MKLN1: variants seen among roughly 807,000 people sequenced by gnomAD.
MKLN1 encodes muskelin 1.
In MKLN1, 18 loss-of-function variants were observed where a neutral mutation model predicts 99.0. That is an observed-to-expected ratio of 0.18 (90% CI 0.13 to 0.27). The LOEUF is 0.27. Ranked by LOEUF, MKLN1 falls within the 10% of genes least tolerant of loss-of-function variation. MKLN1 has a pLI of 1.00. For synonymous variants in MKLN1, 288 were observed against 293.2 expected (o/e 0.98, Z 0.18); for missense variants, 621 against 875.9 (o/e 0.71, Z 3.67).
chr7:131,347,257 C>T (rs1056195043), intron 1 of MKLN1, among the ~76,000 whole-genome samples: 28 of 152,204 alleles, frequency 1.8e-4, no homozygotes, highest in African/African-American at 6.8e-4. Flanking sequence ...GTTTGAACAG[C>T]CTTGCTGATT....
At chr7:131,117,887 C>T (rs1795303099) in intron 1 of MKLN1, among the ~76,000 whole-genome samples, 1 of 152,084 alleles carries the variant, frequency 6.6e-6, no homozygotes, top group Non-Finnish European at 1.5e-5. Flanking sequence ...GACTTCTCTC[C>T]CAAGATCAGG....
intron 3 of MKLN1, among the ~76,000 whole-genome samples, chr7:131,239,677 C>T (rs529542916): frequency 2.0e-5 from 3 of 152,200 alleles, no homozygotes; most frequent in Non-Finnish European, 4.4e-5. Context: ...CAGAGTCATC[C>T]CATCCCATGT....
At chr7:131,186,763 C>T (rs552000078) in intron 2 of MKLN1, among the ~76,000 whole-genome samples, 1 of 152,266 alleles carries the variant, frequency 6.6e-6, no homozygotes, top group African/African-American at 2.4e-5. Flanking sequence ...GTGCCTGGCC[C>T]ATAGTAAGTG....
chr7:131,375,489 C>G lies in MKLN1; in HGVS notation c.164C>G (p.Pro55Arg). The change falls in exon 2 of 18, where the codon CCC becomes CGC. Residue 55 changes from proline to arginine, a missense_variant. Coordinates refer to ENST00000352689, the MANE Select transcript of MKLN1 (RefSeq NM_013255.5). ...TGGTCTTCAGAGAGCAACTATCCTC[C>G]CCAGGTAAGATTACATGTATCCCTT... ...SRWSSESNYP[P>R]QYLILKLERP... 1 of 1,600,886 alleles carries G rather than the reference C, an allele frequency of 6.2e-7. No individual in the cohort carries two copies. Among genetic ancestry groups the G allele is most frequent in the Non-Finnish European group, 8.6e-7 (1 of 1,168,260 alleles).
At chr7:131,290,048 G>A (rs2116597090) in intron 3 of MKLN1, among the ~76,000 whole-genome samples, 1 of 152,348 alleles carries the variant, frequency 6.6e-6, no homozygotes, top group South Asian at 2.1e-4. Context: ...GGTTGCACCT[G>A]TAATTCCAGC....
intron 3 of MKLN1, among the ~76,000 whole-genome samples, chr7:131,275,740 G>C (rs933708315): frequency 6.6e-6 from 1 of 151,034 alleles, no homozygotes; most frequent in Non-Finnish European, 1.5e-5. Context: ...CCATCACCTT[G>C]TATTGGTTAG....
At chr7:131,289,037 C>A (rs1207820514) in intron 3 of MKLN1, among the ~76,000 whole-genome samples, 3 of 152,118 alleles carry the variant, frequency 2.0e-5, no homozygotes, top group African/African-American at 7.2e-5. Context: ...GTTGCCCAGG[C>A]TAGTCTTGAA....
At chr7:131,361,059 C>T (rs1800014774) in intron 1 of MKLN1, among the ~76,000 whole-genome samples, 1 of 151,336 alleles carries the variant, frequency 6.6e-6, no homozygotes, top group Admixed American at 6.6e-5. Context: ...AGTTTTTTTT[C>T]CCTTGTCTTT....
chr7:131,262,542 T>C (rs772242746), intron 3 of MKLN1, among the ~76,000 whole-genome samples: 15 of 152,182 alleles, frequency 9.9e-5, no homozygotes, highest in South Asian at 2.1e-4. Context: ...ATTATGTTTT[T>C]TTTTCTTTTC....
chr7:131,141,346 A>T (rs555599787), intron 1 of MKLN1, among the ~76,000 whole-genome samples: 1 of 152,148 alleles, frequency 6.6e-6, no homozygotes, highest in Non-Finnish European at 1.5e-5. Flanking sequence ...TTTCCTCTTC[A>T]TATTTTTGCT....
At chr7:131,431,940 AC>A (rs1795534641) in intron 9 of MKLN1, among the ~76,000 whole-genome samples, 1 of 152,118 alleles carries the variant, frequency 6.6e-6, no homozygotes, top group South Asian at 2.1e-4. Context: ...CCTAATAAAT[AC>A]CCACTTATTC....
chr7:131,371,993 TTCTA>T (rs571646277), intron 1 of MKLN1, among the ~76,000 whole-genome samples: 2 of 152,034 alleles, frequency 1.3e-5, no homozygotes, highest in Non-Finnish European at 2.9e-5. Flanking sequence ...ACGTTTTTAT[TTCTA>T]TCTTTGTTTA....
chr7:131,450,891 CT>C (rs1796158529), intron 12 of MKLN1, among the ~76,000 whole-genome samples: 1 of 152,150 alleles, frequency 6.6e-6, no homozygotes, highest in Non-Finnish European at 1.5e-5. Flanking sequence ...TTTTCAAAAC[CT>C]ATACAAAGAT....
intron 3 of MKLN1, among the ~76,000 whole-genome samples, chr7:131,294,082 G>C (rs1321630577): frequency 6.6e-6 from 1 of 152,020 alleles, no homozygotes; most frequent in African/African-American, 2.4e-5. Context: ...CACTGGACTA[G>C]AGAAACGGAA....
chr7:131,402,656 A>G (rs528966610), intron 6 of MKLN1, among the ~76,000 whole-genome samples: 17 of 152,336 alleles, frequency 1.1e-4, no homozygotes, highest in African/African-American at 4.1e-4. Context: ...TCCTTGATTC[A>G]TAGGCTACAA....
intron 17 of MKLN1, among the ~76,000 whole-genome samples, chr7:131,482,210 A>G (rs1306677409): frequency 1.3e-5 from 2 of 152,184 alleles, no homozygotes; most frequent in African/African-American, 4.8e-5. Context: ...TCATTCATTC[A>G]TTCAGACAGG....
chr7:131,271,935 G>A (rs1252245754), intron 3 of MKLN1, among the ~76,000 whole-genome samples: 28 of 151,722 alleles, frequency 1.8e-4, no homozygotes, highest in Admixed American at 1.8e-3. Context: ...TCAAAGATTT[G>A]TGCTGTCCTT....
At chr7:131,192,752 G>A (rs999807823) in intron 2 of MKLN1, among the ~76,000 whole-genome samples, 1 of 151,956 alleles carries the variant, frequency 6.6e-6, no homozygotes. Context: ...GGGTTGGCCA[G>A]GCTGGTCTCG....
chr7:131,194,055 G>T (rs2116393057), intron 2 of MKLN1, among the ~76,000 whole-genome samples: 1 of 147,626 alleles, frequency 6.8e-6, no homozygotes, highest in East Asian at 2.0e-4. Flanking sequence ...GCCCCGGCTG[G>T]TCTTGAACTC....
Sources: gnomAD v4.1 joint callset for allele counts (sites outside exome capture counted in the v4.1 genomes callset) on GRCh38, gnomAD v4.1.1 for gene constraint, MANE v1.5 for transcripts, NCBI Gene and HGNC (gene_info 2026-07-23, HGNC 2026-07-21) for gene names.